The following DGCR2 variants were observed in gnomAD, a reference collection of about 807,000 sequenced individuals.
DGCR2 encodes the protein DiGeorge syndrome critical region gene 2.
DGCR2 carries 24 observed loss-of-function variants against 51.6 expected under a neutral mutation model. The ratio of observed to expected loss-of-function variants is 0.47; its 90% CI spans 0.34 to 0.65. The LOEUF is 0.65. Among genes scored for constraint, DGCR2 ranks in the 30% least tolerant of loss-of-function variants. The pLI is 0.01. For missense variants in DGCR2, 765 were observed against 772.1 expected (o/e 0.99, Z 0.11); for synonymous variants, 340 against 315.4 (o/e 1.08, Z -0.82).
chr22:19,098,355 G>A (rs1186572824), intron 1 of DGCR2, among the ~76,000 whole-genome samples: 1 of 152,110 alleles, frequency 6.6e-6, no homozygotes, highest in Non-Finnish European at 1.5e-5. Flanking sequence ...TCCTTCAAGG[G>A]CCAGATGATA....
chr22:19,036,567 A>G lies in DGCR2; in HGVS notation c.*2298T>C, dbSNP rs1446080106. ...ACTTGCTGGTCAGACTGGGGACTGC[A>G]GCAGGCCTTGCAAAGGGGGCATTCT... is the stretch of plus-strand genomic sequence containing the variant. On this transcript the variant is annotated 3_prime_UTR_variant, in exon 10 of 10. Coordinates refer to ENST00000263196, the MANE Select transcript of DGCR2 (RefSeq NM_005137.3). 1 of 152,372 alleles carries G rather than the reference A, an allele frequency of 6.6e-6. No individual in the cohort carries two copies. The highest frequency in any genetic ancestry group is 2.4e-5 in the African/African-American group (1 of 41,426). 9.4% of individuals were successfully genotyped at this position (152,372 alleles called of 1,614,324 possible).
intron 5 of DGCR2, among the ~76,000 whole-genome samples, chr22:19,062,706 T>C (rs968008393): frequency 1.3e-5 from 2 of 151,934 alleles, no homozygotes; most frequent in Non-Finnish European, 2.9e-5. Flanking sequence ...GCAGCCATGT[T>C]TCCTTTACGT....
chr22:19,070,244 G>A (rs1332537124), intron 2 of DGCR2, among the ~76,000 whole-genome samples: 2 of 152,216 alleles, frequency 1.3e-5, no homozygotes, highest in Non-Finnish European at 2.9e-5. Flanking sequence ...GAGAAGGGAA[G>A]AGCCACCTGA....
chr22:19,069,364 T>TA (rs1200534815), intron 2 of DGCR2, among the ~76,000 whole-genome samples: 1 of 152,240 alleles, frequency 6.6e-6, no homozygotes, highest in Non-Finnish European at 1.5e-5. Flanking sequence ...CAATGGTTTT[T>TA]ATTTAATAAA....
At chr22:19,096,603 A>AT (rs2083142809) in intron 1 of DGCR2, among the ~76,000 whole-genome samples, 1 of 138,514 alleles carries the variant, frequency 7.2e-6, no homozygotes, top group Admixed American at 7.8e-5. Flanking sequence ...GTTAACAAAA[A>AT]ATTTTTTTAA....
rs2082516900 is a variant in DGCR2 at position 19,048,654 on chromosome 22, C to T, written c.803-11G>A. 6.2e-7 allele frequency: 1 copy of T among 1,613,922 alleles called. No individual in the cohort carries two copies. Among genetic ancestry groups the T allele is most frequent in the African/African-American group, 1.3e-5 (1 of 74,922 alleles). On this transcript the variant is annotated splice_polypyrimidine_tract_variant and intron_variant, in intron 6 of 9. Transcript: ENST00000263196. The stretch of plus-strand genomic sequence containing the variant: ...CAACACATGTTTGACCTGCAATGAG[C>T]ATACATTGTGTACAGATGTATACAA...
chr22:19,112,273 T>TA (rs1191759632), intron 1 of DGCR2, among the ~76,000 whole-genome samples: 13 of 117,558 alleles, frequency 1.1e-4, no homozygotes, highest in African/African-American at 1.5e-4. Context: ...ACTCCATCTT[T>TA]TAAAAAAAAA....
chr22:19,099,864 T>C (rs2083182173), intron 1 of DGCR2, among the ~76,000 whole-genome samples: 1 of 151,674 alleles, frequency 6.6e-6, no homozygotes, highest in South Asian at 2.1e-4. Flanking sequence ...CCAGCTACTC[T>C]GGAGGCTGAG....
chr22:19,050,547 C>G (rs1200758838), intron 6 of DGCR2, among the ~76,000 whole-genome samples: 1 of 152,200 alleles, frequency 6.6e-6, no homozygotes, highest in Admixed American at 6.5e-5. Context: ...TAAAGGCAAT[C>G]GTGATTATAA....
At chr22:19,098,082 T>A (rs545922210) in intron 1 of DGCR2, among the ~76,000 whole-genome samples, 72 of 151,884 alleles carry the variant, frequency 4.7e-4, no homozygotes, top group Middle Eastern at 3.4e-3. Flanking sequence ...CTCCAGACTT[T>A]TAAAAAAAAA....
chr22:19,085,346 T>G (rs2146005579), intron 2 of DGCR2, among the ~76,000 whole-genome samples: 1 of 152,344 alleles, frequency 6.6e-6, no homozygotes, highest in Admixed American at 6.5e-5. Flanking sequence ...CTGCCAATAC[T>G]GCAGCTGCTC....
intron 1 of DGCR2, among the ~76,000 whole-genome samples, chr22:19,114,645 C>T (rs1345355114): frequency 4.6e-5 from 7 of 152,194 alleles, no homozygotes; most frequent in East Asian, 1.9e-4. Flanking sequence ...GCATCTGGCC[C>T]GGTCCTGTGG....
intron 1 of DGCR2, among the ~76,000 whole-genome samples, chr22:19,115,203 C>T (rs145650767): frequency 1.7e-3 from 259 of 152,356 alleles, no homozygotes; most frequent in Non-Finnish European, 3.2e-3. Flanking sequence ...CACATCCTCA[C>T]ACAGGGCAGT....
intron 1 of DGCR2, among the ~76,000 whole-genome samples, chr22:19,092,362 C>T (rs1314355561): frequency 1.3e-5 from 2 of 151,394 alleles, no homozygotes; most frequent in Non-Finnish European, 2.9e-5. Context: ...AAAAATACTA[C>T]TATCAGAAGA....
At chr22:19,068,359 T>G in intron 2 of DGCR2, 134 bp from the exon 3 acceptor site, 1 of 1,078,150 alleles carries the variant, frequency 9.3e-7, no homozygotes, top group Non-Finnish European at 1.2e-6. Context: ...CAATGCAGGC[T>G]TTCTTTAGAG....
At chr22:19,068,940 C>G (rs1043583996) in intron 2 of DGCR2, among the ~76,000 whole-genome samples, 1 of 152,234 alleles carries the variant, frequency 6.6e-6, no homozygotes, top group Non-Finnish European at 1.5e-5. Context: ...TTTTGTCCTC[C>G]AACCCCCTTG....
At chr22:19,039,152 C>A in intron 9 of DGCR2, 31 bp from the exon 10 acceptor site, 2 of 1,610,408 alleles carry the variant, frequency 1.2e-6, no homozygotes, top group African/African-American at 2.7e-5. Context: ...GTGTCAGAGG[C>A]AGGTACGGGC....
intron 3 of DGCR2, among the ~76,000 whole-genome samples, chr22:19,066,448 C>T (rs571798174): frequency 2.0e-5 from 3 of 151,924 alleles, no homozygotes; most frequent in African/African-American, 7.3e-5. Context: ...AAAAACAAAA[C>T]AACAATAAAA....
At position 19,057,912 on chromosome 22, in the gene DGCR2, A is replaced by T. The variant is rs1007642156; in HGVS notation, c.626-750T>A. Among the ~76,000 whole-genome samples the T allele has an allele frequency of 6.6e-6, 1 of 151,098 alleles. No individual in the cohort carries two copies. Among genetic ancestry groups the T allele is most frequent in the Non-Finnish European group, 1.5e-5 (1 of 67,696 alleles). ...CATGGCACAGCCAGCCCTAGGCCCC[A>T]CTCTCTCCCCTGCACGGCCCTTCCA... On this transcript the variant is annotated intron_variant, in intron 5 of 9. Transcript: ENST00000263196. The surrounding 1 kb of genome is among the most constrained non-coding windows in gnomAD (Gnocchi z 5.1).
Sources: allele counts gnomAD v4.1 joint callset (sites outside exome capture counted in the v4.1 genomes callset), GRCh38; gene constraint gnomAD v4.1.1; non-coding constraint Gnocchi (gnomAD v3.1); transcripts MANE v1.5; gene names NCBI Gene and HGNC (gene_info 2026-07-23, HGNC 2026-07-21).